Variants in CREBL2 observed in about 807,000 individuals in gnomAD.
The protein encoded by CREBL2 is cAMP-responsive element-binding protein-like 2.
Under a neutral mutation model 19.5 loss-of-function variants are expected in CREBL2, and 4 were observed. The ratio of observed to expected loss-of-function variants is 0.20; its 90% CI spans 0.10 to 0.47. The LOEUF is 0.47. CREBL2 is among the 20% of genes least tolerant of loss of function. CREBL2 has a pLI of 0.98. For missense variants in CREBL2, 85 were observed against 145.1 expected, an observed-to-expected ratio of 0.59 and a Z score of 2.13; for synonymous variants, 42 against 46.6, an observed-to-expected ratio of 0.90 and a Z score of 0.40.
intron 3 of CREBL2, among the ~76,000 whole-genome samples, chr12:12,640,709 G>A (rs145497825): frequency 4.6e-5 from 7 of 152,280 alleles, no homozygotes; most frequent in South Asian, 2.1e-4. Context: ...CCTCTGCCGC[G>A]GCTCCAGCCG....
intron 1 of CREBL2, among the ~76,000 whole-genome samples, chr12:12,623,758 A>G (rs1361549264): frequency 2.0e-5 from 3 of 152,230 alleles, no homozygotes; most frequent in Admixed American, 6.5e-5. Flanking sequence ...TGGTAAAACA[A>G]TGAATATTAC....
At chr12:12,616,315 T>G (rs1045032613) in intron 1 of CREBL2, among the ~76,000 whole-genome samples, 9 of 152,328 alleles carry the variant, frequency 5.9e-5, no homozygotes, top group African/African-American at 1.9e-4. Context: ...GTTCAAAATG[T>G]CATTGTTTAG....
chr12:12,619,914 T>C lies in CREBL2; in HGVS notation c.15+7727T>C, dbSNP rs925818022. Among the ~76,000 whole-genome samples, 9 of 152,226 alleles carry C rather than the reference T, an allele frequency of 5.9e-5. 1 individual carries two copies. In the South Asian group the frequency reaches 6.2e-4, roughly 11 times the overall value. ...TATCTGGAAATGAGGTTTCTTACACTTTCCTTACCCTTTTAACCCTCTCCC... is the reference window on the plus strand; with the variant it reads ...TATCTGGAAATGAGGTTTCTTACACCTTCCTTACCCTTTTAACCCTCTCCC... On this transcript the variant is annotated intron_variant, in intron 1 of 3. Coordinates refer to ENST00000228865, the MANE Select transcript of CREBL2 (RefSeq NM_001310.4).
chr12:12,635,461 CTAAA>C (rs753475960), intron 1 of CREBL2, among the ~76,000 whole-genome samples: 281 of 151,242 alleles, frequency 1.9e-3, no homozygotes, highest in Non-Finnish European at 3.0e-3. Flanking sequence ...TACTGGTGAG[CTAAA>C]TAAATAAATA....
At chr12:12,614,062 C>T (rs1210101756) in intron 1 of CREBL2, among the ~76,000 whole-genome samples, 1 of 140,326 alleles carries the variant, frequency 7.1e-6, no homozygotes, top group Admixed American at 7.8e-5. Flanking sequence ...GGCACGATCT[C>T]GGCTCACTGC....
chr12:12,614,404 TTTTCCAC>T (rs1780617379), intron 1 of CREBL2: 1 of 154,170 alleles, frequency 6.5e-6, no homozygotes, highest in African/African-American at 2.4e-5. Context: ...GCTCAGGCTG[TTTTCCAC>T]TGGTGGAGTA....
chr12:12,615,877 G>A (rs1023304866), intron 1 of CREBL2: 1 of 152,528 alleles, frequency 6.6e-6, no homozygotes, highest in African/African-American at 2.4e-5. Flanking sequence ...AACATCTGTT[G>A]GTGCCTTTTC....
chr12:12,619,714 TTTTTA>T (rs1945345943), intron 1 of CREBL2, among the ~76,000 whole-genome samples: 1 of 152,346 alleles, frequency 6.6e-6, no homozygotes, highest in African/African-American at 2.4e-5. Context: ...AGGTTCTTAT[TTTTTA>T]TTTTATGTTG....
rs531680969 is a variant in CREBL2, at chr12:12,611,929, G to A, written c.-244G>A. The A allele has an allele frequency of 1.7e-6, 1 of 580,434 alleles. No homozygotes were observed. The highest frequency in any genetic ancestry group is 3.0e-6 in the Non-Finnish European group (1 of 328,428). 36.0% of individuals were successfully genotyped at this position (580,434 alleles called of 1,614,324 possible). A position where few individuals can be genotyped will look rare whatever the true frequency, so the allele number is the denominator to read the frequency against. On this transcript the variant is annotated 5_prime_UTR_variant, in exon 1 of 4. Coordinates refer to ENST00000228865, the MANE Select transcript of CREBL2 (RefSeq NM_001310.4). ...AAACACCCAGAGACTGTCATGGAGGGGGAGGAGGAGGCGGCGGCGGCGAAG... is the reference window on the plus strand; with the variant it reads ...AAACACCCAGAGACTGTCATGGAGGAGGAGGAGGAGGCGGCGGCGGCGAAG...
intron 3 of CREBL2, among the ~76,000 whole-genome samples, chr12:12,640,103 A>G (rs1399872787): frequency 6.6e-6 from 1 of 152,142 alleles, no homozygotes; most frequent in Non-Finnish European, 1.5e-5. Flanking sequence ...ATCTTAAACA[A>G]CAGAAAACGG....
At chr12:12,627,967 A>G (rs997688436) in intron 1 of CREBL2, among the ~76,000 whole-genome samples, 1 of 151,602 alleles carries the variant, frequency 6.6e-6, no homozygotes, top group East Asian at 1.9e-4. Flanking sequence ...GCAACCTCCA[A>G]CTCCCGGGTT....
Position 12,623,691 on chromosome 12 carries a change from C to T in CREBL2, c.15+11504C>T, listed in dbSNP as rs76417081. 9.9e-4 allele frequency among the ~76,000 whole-genome samples: 150 copies of T among 152,112 alleles called. 4 individuals carry two copies. In the East Asian group the frequency reaches 0.023, roughly 23 times the overall value. ...CTGGATGCAGTGGGCTGAATGGTGGCCCCTAAAAAGATATGTCCATGTCTG... is the reference window on the plus strand; with the variant it reads ...CTGGATGCAGTGGGCTGAATGGTGGTCCCTAAAAAGATATGTCCATGTCTG... On this transcript the variant is annotated intron_variant, in intron 1 of 3. Transcript: ENST00000228865.
intron 2 of CREBL2, among the ~76,000 whole-genome samples, chr12:12,636,281 A>T (rs1945474546): frequency 6.6e-6 from 1 of 152,244 alleles, no homozygotes; most frequent in African/African-American, 2.4e-5. Context: ...CTTCGTAGCC[A>T]GTAAAAATCA....
rs540491801 is a variant in CREBL2 at position 12,644,294 on chromosome 12, T to C, written c.*2296T>C. ...ACACTTTGGTCACTTTTGAAGCATG[T>C]TAATAAATGTCACTGATTAAAACAG... is the stretch of plus-strand genomic sequence containing the variant. On this transcript the variant is annotated 3_prime_UTR_variant, in exon 4 of 4. Transcript: ENST00000228865. The C allele has an allele frequency of 1.1e-4, 17 of 152,348 alleles. No homozygotes were observed. Among genetic ancestry groups the C allele is most frequent in the Non-Finnish European group, 1.6e-4 (11 of 68,040 alleles). The allele number at this position is 152,348 out of a possible 1,614,324, so 9.4% of individuals were successfully genotyped here.
rs1945270009 is a variant in CREBL2, at chr12:12,611,975, C to A, written c.-198C>A. ...CGAAGGGAGGCGTTTGGGGCCGCCT[C>A]CAGGGTCCGCTCTGCCATTCCTGAA... On this transcript the variant is annotated 5_prime_UTR_variant, in exon 1 of 4. Coordinates refer to ENST00000228865, the MANE Select transcript of CREBL2 (RefSeq NM_001310.4). The A allele has an allele frequency of 7.9e-6, 5 of 630,092 alleles. No homozygotes were observed. Among genetic ancestry groups the A allele is most frequent in the Non-Finnish European group, 1.3e-5 (5 of 370,712 alleles). 39.0% of individuals were successfully genotyped at this position (630,092 alleles called of 1,614,324 possible). A position where few individuals can be genotyped will look rare whatever the true frequency, so the allele number is the denominator to read the frequency against.
At chr12:12,619,951 C>T (rs1365739173) in intron 1 of CREBL2, among the ~76,000 whole-genome samples, 1 of 152,194 alleles carries the variant, frequency 6.6e-6, no homozygotes, top group Non-Finnish European at 1.5e-5. Context: ...CTGCCAAAGT[C>T]TTCTGATTCT....
At chr12:12,617,336 TG>T (rs1367102310) in intron 1 of CREBL2, among the ~76,000 whole-genome samples, 3 of 152,014 alleles carry the variant, frequency 2.0e-5, no homozygotes, top group Non-Finnish European at 2.9e-5. Context: ...ATCTCTAAAG[TG>T]GGGGTTTAGG....
intron 1 of CREBL2, among the ~76,000 whole-genome samples, chr12:12,612,412 G>A (rs995928468): frequency 2.0e-5 from 3 of 152,088 alleles, no homozygotes; most frequent in African/African-American, 7.2e-5. Flanking sequence ...TCACTCCCAG[G>A]GCGTTTGCTA....
intron 1 of CREBL2, among the ~76,000 whole-genome samples, chr12:12,621,992 A>T (rs1286953384): frequency 6.6e-6 from 1 of 152,204 alleles, no homozygotes; most frequent in African/African-American, 2.4e-5. Context: ...ATGAAAGAAC[A>T]TGGGTTTTAG....
Sources: gnomAD v4.1 joint callset for allele counts (sites outside exome capture counted in the v4.1 genomes callset) on GRCh38, gnomAD v4.1.1 for gene constraint, MANE v1.5 for transcripts, NCBI Gene and HGNC (gene_info 2026-07-23, HGNC 2026-07-21) for gene names.